FER: variants seen among roughly 807,000 people sequenced by gnomAD.
FER encodes the protein tyrosine-protein kinase Fer.
FER carries 63 observed loss-of-function variants against 111.0 expected under a neutral mutation model. The observed-to-expected ratio is 0.57, with a 90% CI of 0.46 to 0.70. The LOEUF is 0.70. Among genes scored for constraint, FER ranks in the 30% least tolerant of loss-of-function variants. The probability of loss-of-function intolerance (pLI) is 0.00; values close to 1 mark genes in which losing one functional copy is unlikely to be tolerated. For missense variants in FER, 914 were observed against 954.0 expected (o/e 0.96, Z 0.55); for synonymous variants, 327 against 313.9 (o/e 1.04, Z -0.44).
At chr5:109,075,451 G>A (rs1272569293) in intron 16 of FER, among the ~76,000 whole-genome samples, 26 of 142,790 alleles carry the variant, frequency 1.8e-4, no homozygotes, top group African/African-American at 6.8e-4. Context: ...TTTTTTTGAG[G>A]CAGAGTCTCG....
intron 10 of FER, among the ~76,000 whole-genome samples, chr5:108,911,698 G>C (rs1224780196): frequency 6.6e-6 from 1 of 152,082 alleles, no homozygotes; most frequent in African/African-American, 2.4e-5. Context: ...CCAATTTTCA[G>C]AGCACCATTT....
At chr5:108,992,828 G>A (rs1249864013) in intron 13 of FER, among the ~76,000 whole-genome samples, 1 of 150,288 alleles carries the variant, frequency 6.7e-6, no homozygotes, top group African/African-American at 2.5e-5. Context: ...CAGACAGGGC[G>A]GCCGGGCAGA....
At chr5:108,823,060 C>T (rs1759070824) in intron 3 of FER, among the ~76,000 whole-genome samples, 1 of 152,100 alleles carries the variant, frequency 6.6e-6, no homozygotes, top group Non-Finnish European at 1.5e-5. Flanking sequence ...TTAGTAGAGA[C>T]AGGATTTCAC....
rs557295864 is a variant in FER, at chr5:108,974,158, T to TA, written c.1656+14812dup. Among the ~76,000 whole-genome samples the TA allele has an allele frequency of 2.0e-5, 3 of 152,296 alleles. No individual in the cohort carries two copies. In the South Asian group the frequency reaches 6.2e-4, roughly 32 times the overall value. ...TAGAAATTATATTAGGTACTGAGGA[T>TA]ACAGTGATGACTATGACAATATTTG... On this transcript the variant is annotated intron_variant, in intron 13 of 19. Coordinates refer to ENST00000281092, the MANE Select transcript of FER (RefSeq NM_005246.4).
intron 16 of FER, among the ~76,000 whole-genome samples, chr5:109,099,212 A>G (rs1747905650): frequency 6.6e-6 from 1 of 151,590 alleles, no homozygotes; most frequent in Non-Finnish European, 1.5e-5. Flanking sequence ...GTAACTAAAA[A>G]GAAAAATAAG....
chr5:109,159,957 A>G (rs544427541), intron 17 of FER, among the ~76,000 whole-genome samples: 1 of 152,240 alleles, frequency 6.6e-6, no homozygotes, highest in Non-Finnish European at 1.5e-5. Flanking sequence ...TAAAGTGACA[A>G]AGAGAAAGAC....
intron 17 of FER, among the ~76,000 whole-genome samples, chr5:109,123,349 G>T (rs1751254423): frequency 6.6e-6 from 1 of 151,530 alleles, no homozygotes; most frequent in East Asian, 1.9e-4. Context: ...TTAGAGACAG[G>T]GTTTCACCGT....
intron 2 of FER, among the ~76,000 whole-genome samples, chr5:108,791,378 T>C (rs1270893207): frequency 2.0e-5 from 3 of 152,136 alleles, no homozygotes. Flanking sequence ...ATTTGAATTT[T>C]CCTGATATAT....
At chr5:108,921,723 G>A (rs1753041586) in intron 10 of FER, among the ~76,000 whole-genome samples, 2 of 152,264 alleles carry the variant, frequency 1.3e-5, no homozygotes, top group Admixed American at 1.3e-4. Flanking sequence ...GTTACTAAAT[G>A]TTAAGTCACT....
At chr5:108,830,925 A>C (rs1401359688) in intron 3 of FER, 1 of 152,236 alleles carries the variant, frequency 6.6e-6, no homozygotes, top group Non-Finnish European at 1.5e-5. Context: ...TTATAGAGCG[A>C]GAGTTCTTGA....
chr5:109,112,479 G>T (rs1749745311), intron 17 of FER, among the ~76,000 whole-genome samples: 1 of 152,114 alleles, frequency 6.6e-6, no homozygotes, highest in Non-Finnish European at 1.5e-5. Context: ...TCCAGTGCTG[G>T]TCATCTCAGT....
chr5:108,790,347 A>C (rs1755231912), intron 2 of FER, among the ~76,000 whole-genome samples: 1 of 152,116 alleles, frequency 6.6e-6, no homozygotes, highest in African/African-American at 2.4e-5. Context: ...GTCTTCAAAT[A>C]AGATTATTGA....
intron 8 of FER, among the ~76,000 whole-genome samples, chr5:108,877,238 A>C (rs1765177436): frequency 6.6e-6 from 1 of 152,172 alleles, no homozygotes; most frequent in Non-Finnish European, 1.5e-5. Context: ...TCTCTGGTTG[A>C]ACATATACAG....
At chr5:109,175,887 G>T (rs1757628970) in intron 17 of FER, among the ~76,000 whole-genome samples, 1 of 152,184 alleles carries the variant, frequency 6.6e-6, no homozygotes, top group Admixed American at 6.5e-5. Context: ...GCCGAGGTGG[G>T]AGAATCGCAT....
chr5:109,057,915 CATTA>C (rs1773854568), intron 16 of FER, among the ~76,000 whole-genome samples: 1 of 152,092 alleles, frequency 6.6e-6, no homozygotes, highest in South Asian at 2.1e-4. Flanking sequence ...GAGACAGAAA[CATTA>C]CAGGAAAAGA....
At chr5:109,035,247 T>C (rs1178935406) in intron 13 of FER, among the ~76,000 whole-genome samples, 1 of 151,762 alleles carries the variant, frequency 6.6e-6, no homozygotes, top group Non-Finnish European at 1.5e-5. Context: ...TGGCCAGGAG[T>C]TGAACATTTT....
chr5:108,791,972 G>A lies in FER; in HGVS notation c.-59-6152G>A, dbSNP rs568128076. Among the ~76,000 whole-genome samples, 297 of 152,330 alleles carry A rather than the reference G, an allele frequency of 1.9e-3. 2 individuals are homozygous for A. The highest frequency in any genetic ancestry group is 6.8e-3 in the African/African-American group (283 of 41,580). ...CCAATGGAATGGACTTGGCACCCAT[G>A]TAGAAAATCACTTTACCATAAATGT... is the stretch of plus-strand genomic sequence containing the variant. On this transcript the variant is annotated intron_variant, in intron 2 of 19. Coordinates refer to ENST00000281092, the MANE Select transcript of FER (RefSeq NM_005246.4).
At chr5:108,985,616 G>A (rs1762484657) in intron 13 of FER, among the ~76,000 whole-genome samples, 1 of 152,098 alleles carries the variant, frequency 6.6e-6, no homozygotes, top group African/African-American at 2.4e-5. Flanking sequence ...AGTCCCCAAA[G>A]TCCATTGTAT....
intron 16 of FER, among the ~76,000 whole-genome samples, chr5:109,060,402 C>T (rs1010851596): frequency 2.0e-5 from 3 of 152,140 alleles, no homozygotes; most frequent in Admixed American, 1.3e-4. Context: ...TTACTTTTAA[C>T]CTCTCTGTGC....
Sources: gnomAD v4.1 joint callset for allele counts (sites outside exome capture counted in the v4.1 genomes callset) on GRCh38, gnomAD v4.1.1 for gene constraint, MANE v1.5 for transcripts, NCBI Gene and HGNC (gene_info 2026-07-23, HGNC 2026-07-21) for gene names.